The following PTCHD4 variants were observed in gnomAD, a reference collection of about 807,000 sequenced individuals.
PTCHD4 encodes the protein patched domain-containing protein 4.
In PTCHD4, 33 loss-of-function variants were observed where a neutral mutation model predicts 58.1. The ratio of observed to expected loss-of-function variants is 0.57; its 90% confidence interval spans 0.43 to 0.76. The LOEUF (loss-of-function observed/expected upper bound fraction) is 0.76, where lower values mean the gene tolerates loss of function less well. PTCHD4 is among the 30% of genes least tolerant of loss of function. The pLI is 0.00. For synonymous variants in PTCHD4, 478 were observed against 409.6 expected, an observed-to-expected ratio of 1.17 and a Z score of -2.02; for missense variants, 1,058 against 1,027.1, an observed-to-expected ratio of 1.03 and a Z score of -0.41.
intron 1 of PTCHD4, among the ~76,000 whole-genome samples, chr6:48,102,278 C>T (rs1257670794): frequency 1.3e-5 from 2 of 152,120 alleles, no homozygotes; most frequent in Non-Finnish European, 2.9e-5. Context: ...AACTCCTGAC[C>T]CTTTAATAGC....
At chr6:47,974,072 C>G (rs762955968) in intron 4 of PTCHD4, among the ~76,000 whole-genome samples, 14 of 152,212 alleles carry the variant, frequency 9.2e-5, no homozygotes, top group Non-Finnish European at 1.8e-4. Context: ...TATGAGCTGA[C>G]TGCACATGAA....
intron 3 of PTCHD4, among the ~76,000 whole-genome samples, chr6:48,064,197 C>A (rs898034615): frequency 1.3e-5 from 2 of 152,090 alleles, no homozygotes; most frequent in African/African-American, 4.8e-5. Flanking sequence ...GGAATCAAAC[C>A]CATATCGAAG....
At chr6:47,966,793 G>C (rs1315779084) in intron 4 of PTCHD4, among the ~76,000 whole-genome samples, 1 of 152,096 alleles carries the variant, frequency 6.6e-6, no homozygotes, top group Non-Finnish European at 1.5e-5. Flanking sequence ...TTATCATGAG[G>C]TTGCAGCAAT....
At chr6:48,046,152 A>G (rs1362628452) in intron 3 of PTCHD4, among the ~76,000 whole-genome samples, 2 of 151,882 alleles carry the variant, frequency 1.3e-5, no homozygotes, top group African/African-American at 2.4e-5. Flanking sequence ...AAAACTTGCT[A>G]TCTCTGAACG....
At chr6:48,089,924 C>A (rs1478593651) in intron 1 of PTCHD4, among the ~76,000 whole-genome samples, 2 of 152,186 alleles carry the variant, frequency 1.3e-5, no homozygotes, top group Non-Finnish European at 2.9e-5. Flanking sequence ...TATTTTCCAT[C>A]TGCCTTCTTT....
intron 3 of PTCHD4, among the ~76,000 whole-genome samples, chr6:48,011,543 G>A (rs1762676266): frequency 6.6e-6 from 1 of 152,058 alleles, no homozygotes; most frequent in Non-Finnish European, 1.5e-5. Flanking sequence ...TTTGATGATA[G>A]TTTCTTTTGC....
intron 3 of PTCHD4, among the ~76,000 whole-genome samples, chr6:48,011,585 C>A (rs1244532183): frequency 6.6e-6 from 1 of 152,126 alleles, no homozygotes; most frequent in Non-Finnish European, 1.5e-5. Context: ...AATTAGATCC[C>A]ATTTGTCAAT....
At chr6:47,921,570 G>A (rs1159348559) in intron 4 of PTCHD4, among the ~76,000 whole-genome samples, 1 of 152,128 alleles carries the variant, frequency 6.6e-6, no homozygotes, top group African/African-American at 2.4e-5. Context: ...TTGAAACATA[G>A]TATAGCAACT....
intron 3 of PTCHD4, among the ~76,000 whole-genome samples, chr6:48,057,898 G>A (rs1409001243): frequency 1.3e-5 from 2 of 152,184 alleles, no homozygotes; most frequent in African/African-American, 4.8e-5. Context: ...ATCTTGTAAT[G>A]TAGACTAGGT....
chr6:48,083,177 C>T (rs1765199060), intron 1 of PTCHD4, among the ~76,000 whole-genome samples: 1 of 150,216 alleles, frequency 6.7e-6, no homozygotes, highest in Non-Finnish European at 1.5e-5. Flanking sequence ...TATACTTTTT[C>T]ACTAGATAGG....
intron 4 of PTCHD4, among the ~76,000 whole-genome samples, chr6:47,891,221 CA>C (rs35503136): frequency 0.035 from 2,892 of 83,286 alleles, 32 homozygotes; most frequent in Non-Finnish European, 0.041. Flanking sequence ...GACTGTGTCT[CA>C]AAAAAAAAAA....
intron 3 of PTCHD4, among the ~76,000 whole-genome samples, chr6:48,017,737 G>C (rs559287003): frequency 1.2e-3 from 190 of 152,310 alleles, no homozygotes; most frequent in Non-Finnish European, 1.9e-3. Context: ...ATGTTATACT[G>C]CTACTAAGTG....
intron 3 of PTCHD4, among the ~76,000 whole-genome samples, chr6:48,023,578 G>A (rs761583993): frequency 7.2e-5 from 11 of 152,008 alleles, no homozygotes; most frequent in Non-Finnish European, 1.6e-4. Context: ...TATCCCTTCT[G>A]ATATCGCCTA....
chr6:47,989,571 G>A (rs911060901), intron 4 of PTCHD4, among the ~76,000 whole-genome samples: 3 of 152,146 alleles, frequency 2.0e-5, no homozygotes. Context: ...GACTAAAAGG[G>A]GCCAAGGTAC....
chr6:48,035,848 T>C (rs1437226834), intron 3 of PTCHD4, among the ~76,000 whole-genome samples: 4 of 152,150 alleles, frequency 2.6e-5, no homozygotes. Flanking sequence ...AATTTTCTAA[T>C]CATAAACACC....
Position 47,960,961 on chromosome 6 carries a change from TTA to T in PTCHD4, c.898+47671_898+47672del, listed in dbSNP as rs1491337865. Among the ~76,000 whole-genome samples the T allele has an allele frequency of 2.7e-3, 404 of 147,390 alleles. 2 individuals carry two copies. The highest frequency in any genetic ancestry group is 8.1e-3 in the African/African-American group (323 of 40,098). ...GTCTTGACCTAGCTGCCTTTTTTTT[TTA>T]AAAAAAAAAAAAAAAAAAGAGACAG... On this transcript the variant is annotated intron_variant, in intron 4 of 4. Coordinates refer to ENST00000339488, the MANE Select transcript of PTCHD4 (RefSeq NM_001384253.1).
chr6:47,969,476 T>A (rs1767419488), intron 4 of PTCHD4, among the ~76,000 whole-genome samples: 1 of 152,244 alleles, frequency 6.6e-6, no homozygotes, highest in Non-Finnish European at 1.5e-5. Flanking sequence ...AAAGATTTTT[T>A]AAATTTATAC....
rs1477942722 is a variant in PTCHD4 at position 47,996,487 on chromosome 6, A to C, written c.898+12147T>G. Among the ~76,000 whole-genome samples, 3 of 152,054 alleles carry C rather than the reference A, an allele frequency of 2.0e-5. No homozygotes were observed. In the East Asian group the frequency reaches 5.8e-4, roughly 29 times the overall value. ...AAGTGAGACTCCTGCTGGCTCAACT[A>C]TTCTCAGGCCCCGCAGTACCCTCTG... On this transcript the variant is annotated intron_variant, in intron 4 of 4. Coordinates refer to ENST00000339488, the MANE Select transcript of PTCHD4 (RefSeq NM_001384253.1).
At chr6:47,985,002 T>C (rs1325711) in intron 4 of PTCHD4, among the ~76,000 whole-genome samples, 18,468 of 152,124 alleles carry the variant, frequency 0.12, 1,453 homozygotes, top group South Asian at 0.2. Context: ...GTGAAATGCA[T>C]TGGGAATTCC....
Sources: allele counts gnomAD v4.1 joint callset (sites outside exome capture counted in the v4.1 genomes callset), GRCh38; gene constraint gnomAD v4.1.1; transcripts MANE v1.5; gene names NCBI Gene and HGNC (gene_info 2026-07-23, HGNC 2026-07-21).